The following ADAMTSL1 variants were observed in gnomAD, a reference collection of about 807,000 sequenced individuals.
ADAMTSL1 encodes ADAMTS like 1, also known as ADAMTS-like protein 1.
Under a neutral mutation model 201.8 loss-of-function variants are expected in ADAMTSL1, and 126 were observed. That is an observed-to-expected ratio of 0.62 (90% CI 0.54 to 0.72). The LOEUF is 0.72. Ranked by LOEUF, ADAMTSL1 falls within the 30% of genes least tolerant of loss-of-function variation. The pLI, the probability that ADAMTSL1 is intolerant of heterozygous loss-of-function variation, is 0.00. For missense variants in ADAMTSL1, 2,679 were observed against 2,277.8 expected (o/e 1.18, Z -3.59); for synonymous variants, 1,121 against 903.4 (o/e 1.24, Z -4.32).
At chr9:17,932,147 G>A (rs891393483) in intron 1 of ADAMTSL1, among the ~76,000 whole-genome samples, 3 of 152,170 alleles carry the variant, frequency 2.0e-5, no homozygotes, top group Admixed American at 2.0e-4. Flanking sequence ...ATGCTAATTG[G>A]GTGGGATTTC....
Position 18,358,952 on chromosome 9 carries a change from A to G in ADAMTSL1, c.208-145877A>G, listed in dbSNP as rs549466587. Among the ~76,000 whole-genome samples the G allele has an allele frequency of 1.1e-4, 17 of 152,254 alleles. No homozygotes were observed. The East Asian group carries it at 3.1e-3, about 28-fold the overall frequency. Reference sequence around the variant, plus strand: ...TTGTAATTTTCTATAGCAGACATTCAGAGTCATGGAGGGTGGGGTAGGGGT... The same window carrying G: ...TTGTAATTTTCTATAGCAGACATTCGGAGTCATGGAGGGTGGGGTAGGGGT... On this transcript the variant is annotated intron_variant, in intron 2 of 29. Transcript: ENST00000680146.
intron 1 of ADAMTSL1, among the ~76,000 whole-genome samples, chr9:17,925,401 C>G (rs1377788577): frequency 1.8e-5 from 2 of 111,712 alleles, no homozygotes; most frequent in Non-Finnish European, 3.8e-5. Context: ...AAGACACATG[C>G]ACACGTATGT....
chr9:18,810,629 T>C lies in ADAMTSL1; in HGVS notation c.3806-6480T>C, dbSNP rs376315182. On this transcript the variant is annotated intron_variant, in intron 20 of 28. Transcript: ENST00000380548. ...CTTACAGAAGGTTAAGCTTGGGTTA[T>C]ATGAATATGATCTCATGGGGACCCA... is the stretch of plus-strand genomic sequence containing the variant. Among the ~76,000 whole-genome samples the C allele has an allele frequency of 4.6e-5, 7 of 152,326 alleles. No individual in the cohort carries two copies. In the East Asian group the frequency reaches 1.2e-3, roughly 25 times the overall value.
intron 1 of ADAMTSL1, among the ~76,000 whole-genome samples, chr9:17,990,765 G>T (rs538195464): frequency 2.0e-5 from 3 of 151,786 alleles, no homozygotes; most frequent in South Asian, 4.2e-4. Flanking sequence ...ATATTGTTTT[G>T]CTTTTGAAAT....
Position 18,849,032 on chromosome 9 carries a change from A to G in ADAMTSL1, c.4249+19055A>G, listed in dbSNP as rs138797889. Among the ~76,000 whole-genome samples the G allele has an allele frequency of 4.7e-4, 72 of 152,366 alleles. No individual in the cohort carries two copies. The East Asian group carries it at 0.011, about 24-fold the overall frequency. On this transcript the variant is annotated intron_variant, in intron 23 of 28. Transcript: ENST00000380548. ...GCTATGGTCAAACCACATAACCTCAATGAGTCTGCCTTTCTCATCAACCTC... is the reference window on the plus strand; with the variant it reads ...GCTATGGTCAAACCACATAACCTCAGTGAGTCTGCCTTTCTCATCAACCTC...
At chr9:18,770,498 T>A in intron 16 of ADAMTSL1, 104 bp from the exon 17 acceptor site, 1 of 1,202,048 alleles carries the variant, frequency 8.3e-7, no homozygotes, top group Non-Finnish European at 1.1e-6. Context: ...TCTTCTGGAT[T>A]TTTTTTTCTT....
intron 7 of ADAMTSL1, among the ~76,000 whole-genome samples, chr9:18,655,295 G>A (rs771472186): frequency 3.3e-5 from 5 of 152,260 alleles, no homozygotes; most frequent in Non-Finnish European, 5.9e-5. Flanking sequence ...TCATGACAGT[G>A]CAGTCAATTG....
At chr9:18,562,177 G>A (rs1377719510) in intron 3 of ADAMTSL1, among the ~76,000 whole-genome samples, 1 of 152,124 alleles carries the variant, frequency 6.6e-6, no homozygotes, top group Non-Finnish European at 1.5e-5. Flanking sequence ...TTCTTTCCAT[G>A]TTTAGCGCTT....
intron 1 of ADAMTSL1, among the ~76,000 whole-genome samples, chr9:18,053,687 A>G (rs958855400): frequency 6.6e-6 from 1 of 152,192 alleles, no homozygotes; most frequent in Admixed American, 6.5e-5. Context: ...CTCCCATGTT[A>G]CATTCATATA....
intron 2 of ADAMTSL1, among the ~76,000 whole-genome samples, chr9:18,300,556 C>A (rs899398877): frequency 7.2e-5 from 11 of 152,124 alleles, no homozygotes; most frequent in Non-Finnish European, 1.3e-4. Flanking sequence ...TACACGTATA[C>A]CTATGTATCA....
chr9:18,627,472 G>A (rs1294860788), intron 5 of ADAMTSL1, among the ~76,000 whole-genome samples: 1 of 152,172 alleles, frequency 6.6e-6, no homozygotes, highest in Non-Finnish European at 1.5e-5. Flanking sequence ...TGGTTCTGGG[G>A]GCGTCAGAAA....
intron 2 of ADAMTSL1, among the ~76,000 whole-genome samples, chr9:18,515,342 G>A (rs1340801201): frequency 2.0e-5 from 3 of 152,142 alleles, no homozygotes; most frequent in Non-Finnish European, 4.4e-5. Context: ...TTTGTTGTTT[G>A]TTTGTTTTTT....
chr9:18,025,601 AT>A (rs1361832979), intron 1 of ADAMTSL1, among the ~76,000 whole-genome samples: 1 of 151,946 alleles, frequency 6.6e-6, no homozygotes, highest in East Asian at 1.9e-4. Flanking sequence ...ATTCTGTTCC[AT>A]TGGTCTATGT....
intron 19 of ADAMTSL1, among the ~76,000 whole-genome samples, chr9:18,778,543 G>A (rs1821199789): frequency 6.6e-6 from 1 of 152,208 alleles, no homozygotes; most frequent in Non-Finnish European, 1.5e-5. Flanking sequence ...CATTCATAAT[G>A]TAGAATCAAT....
intron 1 of ADAMTSL1, among the ~76,000 whole-genome samples, chr9:18,489,906 C>G (rs1822183657): frequency 6.6e-6 from 1 of 152,152 alleles, no homozygotes; most frequent in Non-Finnish European, 1.5e-5. Context: ...CTCATTTCCC[C>G]TTTTTTCCTA....
intron 2 of ADAMTSL1, among the ~76,000 whole-genome samples, chr9:18,456,589 T>G (rs971545445): frequency 6.6e-6 from 1 of 152,236 alleles, no homozygotes; most frequent in Non-Finnish European, 1.5e-5. Flanking sequence ...AATTAACTTC[T>G]ATAAAAGTCT....
intron 23 of ADAMTSL1, among the ~76,000 whole-genome samples, chr9:18,843,668 A>T (rs1484675302): frequency 6.6e-6 from 1 of 150,924 alleles, no homozygotes; most frequent in Non-Finnish European, 1.5e-5. Flanking sequence ...ACTTTCAGGT[A>T]CACCAATCAG....
intron 1 of ADAMTSL1, among the ~76,000 whole-genome samples, chr9:18,015,799 C>T (rs545233724): frequency 3.3e-5 from 5 of 152,088 alleles, no homozygotes; most frequent in South Asian, 4.2e-4. Context: ...GGATCCCTCC[C>T]GAGACCAATG....
intron 2 of ADAMTSL1, among the ~76,000 whole-genome samples, chr9:18,183,874 T>C (rs1028995794): frequency 6.6e-6 from 1 of 152,200 alleles, no homozygotes; most frequent in African/African-American, 2.4e-5. Flanking sequence ...GAATTTGCAC[T>C]GAGAAATTAA....
Sources: gnomAD v4.1 joint callset for allele counts (sites outside exome capture counted in the v4.1 genomes callset) on GRCh38, gnomAD v4.1.1 for gene constraint, MANE v1.5 for transcripts, NCBI Gene and HGNC (gene_info 2026-07-23, HGNC 2026-07-21) for gene names.